Variants in TAS2R1 observed in about 807,000 individuals in gnomAD.
The protein encoded by TAS2R1 is taste receptor type 2 member 1.
For synonymous variants in TAS2R1, 141 were observed against 134.2 expected, an observed-to-expected ratio of 1.05 and a Z score of -0.35; for missense variants, 370 against 353.4, an observed-to-expected ratio of 1.05 and a Z score of -0.38.
chr5:9,785,837 C>A, the TAS2R1 span, among the ~76,000 whole-genome samples: 2,886 of 152,232 alleles, frequency 0.019, 82 homozygotes, highest in African/African-American at 0.063. Flanking sequence ...TCACTCTCTG[C>A]CATATTAGGT....
the TAS2R1 span, among the ~76,000 whole-genome samples, chr5:9,822,550 T>C: frequency 3.3e-5 from 5 of 151,920 alleles, no homozygotes; most frequent in South Asian, 2.1e-4. Flanking sequence ...GGGGTTTCAC[T>C]GTGTTAGCCA....
At chr5:9,737,127 G>A in the TAS2R1 span, among the ~76,000 whole-genome samples, 1 of 152,186 alleles carries the variant, frequency 6.6e-6, no homozygotes, top group African/African-American at 2.4e-5. Context: ...TCTCCATATG[G>A]ATTGTGAAAG....
At chr5:9,710,931 AT>A (rs1741721293) in intron 1 of TAS2R1, among the ~76,000 whole-genome samples, 1 of 145,376 alleles carries the variant, frequency 6.9e-6, no homozygotes, top group Non-Finnish European at 1.5e-5. Context: ...TATTATATAT[AT>A]AATATATTAT....
chr5:9,758,613 G>A, the TAS2R1 span, among the ~76,000 whole-genome samples: 1 of 152,214 alleles, frequency 6.6e-6, no homozygotes, highest in East Asian at 1.9e-4. Context: ...TCCAATCCTT[G>A]CTGCCTCCAA....
the TAS2R1 span, among the ~76,000 whole-genome samples, chr5:9,892,069 A>AAC: frequency 6.6e-6 from 1 of 151,852 alleles, no homozygotes; most frequent in South Asian, 2.1e-4. Flanking sequence ...TATGGGCCCC[A>AAC]ACACACACAC....
At chr5:9,847,988 G>A in the TAS2R1 span, among the ~76,000 whole-genome samples, 1 of 152,168 alleles carries the variant, frequency 6.6e-6, no homozygotes, top group Non-Finnish European at 1.5e-5. Context: ...CAGAAACTCT[G>A]GAGTGGGACT....
the TAS2R1 span, among the ~76,000 whole-genome samples, chr5:9,830,556 G>T: frequency 1.3e-5 from 2 of 151,902 alleles, no homozygotes; most frequent in Non-Finnish European, 2.9e-5. Context: ...CATAAATAGA[G>T]AGATGATAGA....
chr5:9,836,802 G>T, the TAS2R1 span, among the ~76,000 whole-genome samples: 1 of 152,164 alleles, frequency 6.6e-6, no homozygotes, highest in South Asian at 2.1e-4. Context: ...AAGTGTGACT[G>T]GGAGGACAAG....
At chr5:9,640,505 A>AC (rs1375148407) in intron 2 of TAS2R1, among the ~76,000 whole-genome samples, 2 of 148,004 alleles carry the variant, frequency 1.4e-5, no homozygotes, top group African/African-American at 5.1e-5. Context: ...CTTAAAAAAA[A>AC]AAAAAAAAAA....
the TAS2R1 span, among the ~76,000 whole-genome samples, chr5:9,860,691 G>A: frequency 6.6e-6 from 1 of 152,160 alleles, no homozygotes; most frequent in Non-Finnish European, 1.5e-5. Context: ...GAGAGCAAGA[G>A]TCTCAAACTG....
chr5:9,691,940 C>T (rs1353446070), intron 1 of TAS2R1, among the ~76,000 whole-genome samples: 1 of 152,136 alleles, frequency 6.6e-6, no homozygotes, highest in African/African-American at 2.4e-5. Context: ...TATTCTCCAC[C>T]CCAGACCCCT....
At chr5:9,834,081 C>T in the TAS2R1 span, among the ~76,000 whole-genome samples, 8 of 152,206 alleles carry the variant, frequency 5.3e-5, no homozygotes, top group South Asian at 2.1e-4. Context: ...ATCTTCACCA[C>T]ATCCCCCTTC....
intron 2 of TAS2R1, among the ~76,000 whole-genome samples, chr5:9,656,302 G>A (rs1403189798): frequency 6.6e-6 from 1 of 152,202 alleles, no homozygotes; most frequent in Non-Finnish European, 1.5e-5. Flanking sequence ...AGCATAAACA[G>A]TTATAATGTT....
At chr5:9,649,643 C>A (rs1008052258) in intron 2 of TAS2R1, among the ~76,000 whole-genome samples, 1 of 152,134 alleles carries the variant, frequency 6.6e-6, no homozygotes, top group Admixed American at 6.5e-5. Flanking sequence ...CAAATATGCC[C>A]ATGCATGTTT....
chr5:9,768,438 G>A, the TAS2R1 span, among the ~76,000 whole-genome samples: 4 of 152,096 alleles, frequency 2.6e-5, 1 homozygote, highest in African/African-American at 9.7e-5. Flanking sequence ...AACATGTCTA[G>A]CAAGTTTGAC....
At chr5:9,765,311 A>G in the TAS2R1 span, among the ~76,000 whole-genome samples, 3 of 152,236 alleles carry the variant, frequency 2.0e-5, no homozygotes, top group Non-Finnish European at 4.4e-5. Flanking sequence ...AGAGAGACAA[A>G]TTAATTGCTT....
At chr5:9,765,771 C>T in the TAS2R1 span, 1 of 152,160 alleles carries the variant, frequency 6.6e-6, no homozygotes, top group Admixed American at 6.5e-5. Context: ...CGACCCAGTA[C>T]CTCATTCTAT....
chr5:9,730,221 CG>C, the TAS2R1 span, among the ~76,000 whole-genome samples: 3 of 152,114 alleles, frequency 2.0e-5, no homozygotes, highest in African/African-American at 7.2e-5. Context: ...GAGGATCAGA[CG>C]GAAGCAAGAG....
intron 1 of TAS2R1, among the ~76,000 whole-genome samples, chr5:9,670,367 C>G (rs572268749): frequency 6.6e-6 from 1 of 152,244 alleles, no homozygotes; most frequent in Non-Finnish European, 1.5e-5. Flanking sequence ...TTGTGCCAAT[C>G]ACTGAGTTTT....
Sources: gnomAD v4.1 joint callset for allele counts (sites outside exome capture counted in the v4.1 genomes callset) on GRCh38, gnomAD v4.1.1 for gene constraint, MANE v1.5 for transcripts, NCBI Gene and HGNC (gene_info 2026-07-23, HGNC 2026-07-21) for gene names.